Variants in ABCB1 observed in about 807,000 individuals in gnomAD.
ABCB1 encodes ATP binding cassette subfamily B member 1, also known as ATP-dependent translocase ABCB1.
A neutral mutation model predicts 142.0 loss-of-function variants in ABCB1; 69 were observed. The observed-to-expected ratio is 0.49, with a 90% CI of 0.40 to 0.59. ABCB1 has a LOEUF of 0.59. Ranked by LOEUF, ABCB1 falls within the 20% of genes least tolerant of loss-of-function variation. ABCB1 has a pLI of 0.00. For missense variants in ABCB1, 1,326 were observed against 1,554.7 expected, an observed-to-expected ratio of 0.85 and a Z score of 2.47; for synonymous variants, 532 against 539.2, an observed-to-expected ratio of 0.99 and a Z score of 0.18.
intron 1 of ABCB1, among the ~76,000 whole-genome samples, chr7:87,704,023 C>T (rs550731985): frequency 7.1e-6 from 1 of 139,974 alleles, no homozygotes; most frequent in Non-Finnish European, 1.5e-5. Context: ...CAGGCTCAAG[C>T]AATTCTCCTG....
At chr7:87,526,164 CTT>C (rs78401397) in intron 21 of ABCB1, among the ~76,000 whole-genome samples, 55 of 144,660 alleles carry the variant, frequency 3.8e-4, no homozygotes, top group Non-Finnish European at 6.1e-4. Flanking sequence ...CACCCACCAC[CTT>C]TTTTTTTTTT....
chr7:87,526,761 C>T (rs1159133111), intron 21 of ABCB1, among the ~76,000 whole-genome samples: 1 of 152,164 alleles, frequency 6.6e-6, no homozygotes, highest in Non-Finnish European at 1.5e-5. Flanking sequence ...AAAGTGCTCT[C>T]ATTGTCCATG....
intron 1 of ABCB1, among the ~76,000 whole-genome samples, chr7:87,706,970 T>C (rs926806736): frequency 5.3e-5 from 8 of 152,186 alleles, no homozygotes; most frequent in African/African-American, 1.9e-4. Context: ...GAAGGGGAAC[T>C]GTAAACACTC....
chr7:87,588,156 G>GTTT (rs34445246), intron 3 of ABCB1, among the ~76,000 whole-genome samples: 1 of 147,950 alleles, frequency 6.8e-6, no homozygotes, highest in East Asian at 2.0e-4. Context: ...ATTTCCTTTT[G>GTTT]TTTTTTTTTT....
At chr7:87,516,083 A>G (rs1297964298) in intron 24 of ABCB1, among the ~76,000 whole-genome samples, 1 of 152,170 alleles carries the variant, frequency 6.6e-6, no homozygotes, top group Non-Finnish European at 1.5e-5. Flanking sequence ...CTGTCTCTAC[A>G]AATAATTAAA....
At chr7:87,558,400 C>A (rs541259033) in intron 8 of ABCB1, among the ~76,000 whole-genome samples, 185 of 152,238 alleles carry the variant, frequency 1.2e-3, no homozygotes, top group African/African-American at 3.6e-3. Context: ...ACCCAGAGAT[C>A]TTATTGTATT....
chr7:87,623,494 C>T (rs1584929594), intron 1 of ABCB1, among the ~76,000 whole-genome samples: 1 of 152,350 alleles, frequency 6.6e-6, no homozygotes, highest in Admixed American at 6.5e-5. Context: ...TATCCATACC[C>T]TATTAATGAG....
At chr7:87,606,785 T>C (rs1466028569) in intron 1 of ABCB1, among the ~76,000 whole-genome samples, 1 of 152,110 alleles carries the variant, frequency 6.6e-6, no homozygotes, top group Non-Finnish European at 1.5e-5. Context: ...ATTTTTTCTG[T>C]ATTTGAGAAA....
intron 19 of ABCB1, among the ~76,000 whole-genome samples, chr7:87,537,411 A>C (rs1300007656): frequency 6.6e-6 from 1 of 152,206 alleles, no homozygotes; most frequent in Non-Finnish European, 1.5e-5. Context: ...TTTTAGGTGA[A>C]TCTACAGGAT....
intron 1 of ABCB1, among the ~76,000 whole-genome samples, chr7:87,708,310 A>G (rs1326854099): frequency 2.0e-5 from 3 of 152,148 alleles, no homozygotes; most frequent in Non-Finnish European, 4.4e-5. Flanking sequence ...GAAGAGGCCA[A>G]GTGTGTATAT....
At chr7:87,559,144 G>A (rs779899575) in intron 8 of ABCB1, among the ~76,000 whole-genome samples, 2 of 151,782 alleles carry the variant, frequency 1.3e-5, no homozygotes, top group Non-Finnish European at 2.9e-5. Flanking sequence ...TGTAAGATAG[G>A]GTTATCTCTT....
chr7:87,519,330 G>T lies in ABCB1; in HGVS notation c.2923C>A (p.Leu975Met). ...AHKLMSFEDV[L>M]LVFSAVVFGA... Reference sequence around the variant, plus strand: ...AAATAATAGCCCAATACTTACAACAGAACATCCTCAAAGCTCATGAGTTTA... The same window carrying T: ...AAATAATAGCCCAATACTTACAACATAACATCCTCAAAGCTCATGAGTTTA... Residue 975 changes from leucine to methionine, a missense_variant, in exon 23 of 28, where the codon CTG becomes ATG. Physicochemically the swap from Leu to Met is conservative, Grantham distance 15. Transcript: ENST00000622132. 1 of 1,613,842 alleles carries T rather than the reference G, an allele frequency of 6.2e-7. No homozygotes were observed. The highest frequency in any genetic ancestry group is 1.1e-5 in the South Asian group (1 of 91,082).
chr7:87,642,824 G>T (rs1400971643), intron 1 of ABCB1, among the ~76,000 whole-genome samples: 1 of 152,076 alleles, frequency 6.6e-6, no homozygotes, highest in Non-Finnish European at 1.5e-5. Context: ...CCATTCTTAA[G>T]TGTCTAGATT....
chr7:87,636,121 A>G (rs1821741662), intron 1 of ABCB1, among the ~76,000 whole-genome samples: 1 of 152,202 alleles, frequency 6.6e-6, no homozygotes, highest in African/African-American at 2.4e-5. Context: ...GATGAGTCAT[A>G]TGGCATGCAG....
rs1258894041 is a variant in ABCB1 at position 87,537,263 on chromosome 7, TG to T, written c.2398-723del. ...ATAGGAGATGAGATTTGAGAGAGAG[TG>T]GGGGCCACATAGTGTATGGTCTTAC... On this transcript the variant is annotated intron_variant, in intron 19 of 27. Coordinates refer to ENST00000622132, the MANE Select transcript of ABCB1 (RefSeq NM_001348946.2). Among the ~76,000 whole-genome samples the T allele has an allele frequency of 7.9e-5, 12 of 151,792 alleles. No individual in the cohort carries two copies. The East Asian group carries it at 2.3e-3, about 29-fold the overall frequency.
intron 1 of ABCB1, among the ~76,000 whole-genome samples, chr7:87,613,257 C>CTTTTTTTTTTTTTTTTTTTTTTTTTTTTT (rs67823385): frequency 1.6e-5 from 1 of 64,212 alleles, no homozygotes; most frequent in Non-Finnish European, 2.8e-5. Flanking sequence ...TCCTTTATTT[C>CTTTTTTTTTTTTTTTTTTTTTTTTTTTTT]TTTTTTTTTT....
chr7:87,632,011 G>A (rs1037127480), intron 1 of ABCB1, among the ~76,000 whole-genome samples: 28 of 151,630 alleles, frequency 1.8e-4, no homozygotes, highest in African/African-American at 3.4e-4. Flanking sequence ...GCTAAATTAC[G>A]TATGTGCATT....
intron 1 of ABCB1, among the ~76,000 whole-genome samples, chr7:87,618,447 C>A (rs1820107458): frequency 6.6e-6 from 1 of 152,114 alleles, no homozygotes; most frequent in Non-Finnish European, 1.5e-5. Context: ...TGGAGACTAC[C>A]AGGAGGTTAA....
intron 3 of ABCB1, among the ~76,000 whole-genome samples, chr7:87,589,031 A>G (rs7802773): frequency 0.51 from 78,197 of 151,948 alleles, 20,214 homozygotes; most frequent in South Asian, 0.68. Context: ...GTTCCTTATA[A>G]ATGCTAGAAC....
Sources: gnomAD v4.1 joint callset for allele counts (sites outside exome capture counted in the v4.1 genomes callset) on GRCh38, gnomAD v4.1.1 for gene constraint, MANE v1.5 for transcripts, NCBI Gene and HGNC (gene_info 2026-07-23, HGNC 2026-07-21) for gene names.